The following NME8 variants were observed in gnomAD, a reference collection of about 807,000 sequenced individuals.
NME8 encodes the protein protein NME8.
NME8 carries 72 observed loss-of-function variants against 82.3 expected under a neutral mutation model. The observed-to-expected ratio is 0.87, with a 90% CI of 0.72 to 1.06. The LOEUF (loss-of-function observed/expected upper bound fraction) is 1.06. NME8 is among the 50% of genes least tolerant of loss of function. The probability of loss-of-function intolerance (pLI) is 0.00; values close to 1 mark genes in which losing one functional copy is unlikely to be tolerated. For missense variants in NME8, 712 were observed against 685.4 expected, an observed-to-expected ratio of 1.04 and a Z score of -0.43; for synonymous variants, 267 against 228.5, an observed-to-expected ratio of 1.17 and a Z score of -1.52.
intron 17 of NME8, among the ~76,000 whole-genome samples, chr7:37,897,548 C>A (rs78692457): frequency 0.069 from 10,531 of 152,140 alleles, 528 homozygotes; most frequent in East Asian, 0.28. Context: ...ACAAAACAAA[C>A]CAAACCAAAA....
chr7:37,872,020 A>G (rs1262243788), intron 11 of NME8, among the ~76,000 whole-genome samples: 1 of 151,920 alleles, frequency 6.6e-6, no homozygotes, highest in Non-Finnish European at 1.5e-5. Context: ...TCAGGTCCCT[A>G]GGGCAGGAGA....
chr7:37,878,628 T>G (rs979683454), intron 12 of NME8, among the ~76,000 whole-genome samples: 1 of 152,236 alleles, frequency 6.6e-6, no homozygotes, highest in African/African-American at 2.4e-5. Flanking sequence ...TTTCAATGTC[T>G]TTTAATATTT....
At position 37,882,643 on chromosome 7, in the gene NME8, G is replaced by GAAAAAGAA. The variant is rs796634405; in HGVS notation, c.995-1659_995-1658insAAAAGAAA. ...AGAAAGAAAGAAAGAAAGAAAGAAA[G>GAAAAAGAA]AGAAAGAAAGAAAGAGAAAGAAAGA... On this transcript the variant is annotated intron_variant, in intron 12 of 17. Transcript: ENST00000199447. Among the ~76,000 whole-genome samples the GAAAAAGAA allele has an allele frequency of 3.5e-3, 172 of 49,442 alleles. 5 individuals are homozygous for GAAAAAGAA. Among genetic ancestry groups the GAAAAAGAA allele is most frequent in the East Asian group, 0.022 (29 of 1,314 alleles). 32.4% of individuals were successfully genotyped at this position (49,442 alleles called of 152,430 possible). A position where few individuals can be genotyped will look rare whatever the true frequency, so the allele number is the denominator to read the frequency against.
intron 11 of NME8, among the ~76,000 whole-genome samples, chr7:37,868,311 G>A (rs567729537): frequency 6.6e-6 from 1 of 152,310 alleles, no homozygotes; most frequent in East Asian, 1.9e-4. Context: ...AGCCACACAG[G>A]TCATGATAAA....
At chr7:37,853,599 A>G (rs2131939939) in intron 5 of NME8, among the ~76,000 whole-genome samples, 1 of 152,304 alleles carries the variant, frequency 6.6e-6, no homozygotes, top group Admixed American at 6.5e-5. Flanking sequence ...GTAGACGTTC[A>G]CATAGACTAG....
At chr7:37,892,682 G>T (rs1350807363) in intron 15 of NME8, among the ~76,000 whole-genome samples, 2 of 151,842 alleles carry the variant, frequency 1.3e-5, no homozygotes, top group Admixed American at 6.6e-5. Context: ...AGTTACATTA[G>T]ACACCTAGTT....
intron 11 of NME8, among the ~76,000 whole-genome samples, chr7:37,869,426 G>A (rs1463790605): frequency 2.0e-5 from 3 of 152,246 alleles, no homozygotes; most frequent in Non-Finnish European, 2.9e-5. Context: ...AAAACAAAAA[G>A]CGTTCTATGA....
At chr7:37,858,994 T>C (rs1784557421) in intron 6 of NME8, among the ~76,000 whole-genome samples, 3 of 152,114 alleles carry the variant, frequency 2.0e-5, no homozygotes, top group African/African-American at 4.8e-5. Context: ...CCACATGACA[T>C]GCTGTCTCCC....
chr7:37,877,304 T>C (rs1276448799), intron 12 of NME8, among the ~76,000 whole-genome samples: 2 of 152,198 alleles, frequency 1.3e-5, no homozygotes, highest in East Asian at 3.8e-4. Context: ...AATTCAAAGC[T>C]TGGATCTACC....
At chr7:37,865,078 A>G (rs1234508738) in intron 9 of NME8, among the ~76,000 whole-genome samples, 1 of 152,194 alleles carries the variant, frequency 6.6e-6, no homozygotes, top group East Asian at 1.9e-4. Flanking sequence ...ATGTTCTCAC[A>G]TTTCAAAAAC....
intron 11 of NME8, among the ~76,000 whole-genome samples, chr7:37,868,165 T>C (rs958513239): frequency 6.6e-6 from 1 of 152,138 alleles, no homozygotes; most frequent in African/African-American, 2.4e-5. Context: ...AAAAGTTTTG[T>C]TAGATAGAAA....
intron 16 of NME8, among the ~76,000 whole-genome samples, chr7:37,896,370 G>A (rs1785229529): frequency 9.5e-6 from 1 of 105,328 alleles, no homozygotes; most frequent in African/African-American, 2.8e-5. Context: ...AAGTCAAGAT[G>A]TAGTGCAGAC....
At chr7:37,884,854 G>A (rs1258208790) in intron 13 of NME8, among the ~76,000 whole-genome samples, 1 of 152,220 alleles carries the variant, frequency 6.6e-6, no homozygotes, top group Admixed American at 6.5e-5. Context: ...AATAGCAATT[G>A]AGGCTGAAAT....
At chr7:37,849,722 T>C (rs2131936876) in intron 2 of NME8, among the ~76,000 whole-genome samples, 1 of 151,958 alleles carries the variant, frequency 6.6e-6, no homozygotes, top group South Asian at 2.1e-4. Flanking sequence ...ACAAAAAAAA[T>C]TAGCCCGCCG....
chr7:37,858,074 A>G (rs1487950812), intron 6 of NME8, among the ~76,000 whole-genome samples: 1 of 152,110 alleles, frequency 6.6e-6, no homozygotes, highest in East Asian at 1.9e-4. Flanking sequence ...TAAAATATAA[A>G]TGAATAATTA....
intron 11 of NME8, among the ~76,000 whole-genome samples, chr7:37,868,825 G>A (rs964666117): frequency 5.9e-5 from 9 of 152,098 alleles, no homozygotes; most frequent in East Asian, 3.9e-4. Context: ...AGAACAAAAC[G>A]GTTGTATATT....
At chr7:37,874,687 T>A (rs757078460) in intron 11 of NME8, among the ~76,000 whole-genome samples, 1 of 152,164 alleles carries the variant, frequency 6.6e-6, no homozygotes, top group African/African-American at 2.4e-5. Flanking sequence ...AGAATATGGC[T>A]ATTAGGCTAA....
chr7:37,880,342 T>C (rs1207767559), intron 12 of NME8, among the ~76,000 whole-genome samples: 1 of 152,258 alleles, frequency 6.6e-6, no homozygotes, highest in Non-Finnish European at 1.5e-5. Context: ...GTTTTACATA[T>C]AGGTCTATCA....
At position 37,856,728 on chromosome 7, in the gene NME8, G is replaced by A. The variant is rs532091935; in HGVS notation, c.199-546G>A. ...AAAGTTGACTACTAATTTATTCAAG[G>A]AATGTTTAGTAAACCTCTTTTAATG... On this transcript the variant is annotated intron_variant, in intron 5 of 17. Transcript: ENST00000199447. 4.6e-5 allele frequency among the ~76,000 whole-genome samples: 7 copies of A among 152,208 alleles called. No homozygotes were observed. The South Asian group carries it at 1.2e-3, about 27-fold the overall frequency.
Sources: gnomAD v4.1 joint callset for allele counts (sites outside exome capture counted in the v4.1 genomes callset) on GRCh38, gnomAD v4.1.1 for gene constraint, MANE v1.5 for transcripts, NCBI Gene and HGNC (gene_info 2026-07-23, HGNC 2026-07-21) for gene names.